Variants in GREB1L observed in about 807,000 individuals in gnomAD.
The protein encoded by GREB1L is GREB1-like protein.
In GREB1L, 17 loss-of-function variants were observed where a neutral mutation model predicts 200.8. The observed-to-expected ratio is 0.08, with a 90% CI of 0.06 to 0.13. The LOEUF (loss-of-function observed/expected upper bound fraction) is 0.13. Ranked by LOEUF, GREB1L falls within the 10% of genes least tolerant of loss-of-function variation. The probability of loss-of-function intolerance (pLI) is 1.00; values close to 1 mark genes in which losing one functional copy is unlikely to be tolerated. For synonymous variants in GREB1L, 789 were observed against 893.0 expected (o/e 0.88, Z 2.08); for missense variants, 1,657 against 2,367.7 (o/e 0.70, Z 6.23).
At position 21,505,444 on chromosome 18, in the gene GREB1L, G is replaced by C. The variant is rs1568068888; in HGVS notation, c.4105G>C (p.Glu1369Gln). 1 of 1,551,576 alleles carries C rather than the reference G, an allele frequency of 6.4e-7. No individual in the cohort carries two copies. Residue 1369 changes from glutamate (E) to glutamine (Q), a missense_variant, in exon 24 of 33, where the codon GAG becomes CAG. This residue lies in a region of GREB1L where 512 missense variants were observed against 668.3 expected (regional missense o/e 0.77). Transcript: ENST00000424526. ...TGAAAGCAGTGAAGTGAGCCAGTCA[G>C]AGGGAGAGCCCTGGCCTGACATCGA... The part of the protein sequence containing the change: ...HNESSEVSQS[E>Q]GEPWPDIESF...
intron 7 of GREB1L, among the ~76,000 whole-genome samples, chr18:21,418,407 A>G (rs1397542400): frequency 1.3e-5 from 2 of 152,196 alleles, no homozygotes; most frequent in African/African-American, 2.4e-5. Context: ...ATTACTTATA[A>G]TACTGAATAC....
intron 4 of GREB1L, among the ~76,000 whole-genome samples, chr18:21,392,476 G>A (rs1408224208): frequency 4.6e-5 from 7 of 152,110 alleles, no homozygotes; most frequent in Non-Finnish European, 1.0e-4. Flanking sequence ...TTGAACAAAT[G>A]CAGATGCACT....
At chr18:21,409,791 C>T (rs929531555) in intron 7 of GREB1L, among the ~76,000 whole-genome samples, 3 of 152,066 alleles carry the variant, frequency 2.0e-5, no homozygotes, top group Non-Finnish European at 4.4e-5. Flanking sequence ...GGTTTCCTTT[C>T]CTCATTTGCA....
At chr18:21,480,934 C>T (rs539679575) in intron 17 of GREB1L, among the ~76,000 whole-genome samples, 112 of 152,094 alleles carry the variant, frequency 7.4e-4, no homozygotes, top group Non-Finnish European at 1.4e-3. Flanking sequence ...GCAGGAGAAT[C>T]ACTTGAACCT....
rs368913332 is a variant in GREB1L at position 21,244,366 on chromosome 18, A to C, written c.-120+1973A>C. On this transcript the variant is annotated intron_variant, in intron 1 of 32. Transcript: ENST00000424526. ...GTGTATACTCCCATTGACATGACAT[A>C]ATATAAAGATGTTAGTGGTAAAGGA... 2.0e-5 allele frequency among the ~76,000 whole-genome samples: 3 copies of C among 152,184 alleles called. No individual in the cohort carries two copies. In the South Asian group the frequency reaches 6.2e-4, roughly 32 times the overall value.
At chr18:21,431,239 G>A (rs1470868874) in intron 7 of GREB1L, among the ~76,000 whole-genome samples, 3 of 151,824 alleles carry the variant, frequency 2.0e-5, no homozygotes, top group African/African-American at 7.3e-5. Context: ...TGGCCAGACT[G>A]GTCCCAAACT....
Position 21,496,659 on chromosome 18 carries a change from C to T in GREB1L, c.3352C>T (p.Arg1118Trp), listed in dbSNP as rs761699000. The change falls in exon 21 of 33, where the codon CGG becomes TGG. Residue 1118 changes from arginine to tryptophan, a missense_variant. Around this residue, in one of 9 missense-constraint regions of GREB1L, gnomAD observed 512 missense variants for 668.3 expected, o/e 0.77. Transcript: ENST00000424526. The part of the protein sequence containing the change: ...DSDELLIDLE[R>W]PQSNSSAVTG... The stretch of plus-strand genomic sequence containing the variant: ...CGATGAGCTGCTCATCGACCTGGAG[C>T]GGCCCCAGAGCAACAGCAGCGCTGT... 1.6e-5 allele frequency: 25 copies of T among 1,551,474 alleles called. No homozygotes were observed. The highest frequency in any genetic ancestry group is 3.9e-5 in the Admixed American group (2 of 50,982).
At chr18:21,435,136 A>C (rs1171812931) in intron 7 of GREB1L, 3 of 152,668 alleles carry the variant, frequency 2.0e-5, no homozygotes, top group Non-Finnish European at 4.4e-5. Flanking sequence ...GACTTGTGTG[A>C]CATTTAATTG....
At position 21,395,297 on chromosome 18, in the gene GREB1L, AAAAT is replaced by A. The variant is rs2041008486; in HGVS notation, c.356-83_356-80del. 4 of 1,085,614 alleles carry A rather than the reference AAAAT, an allele frequency of 3.7e-6. No homozygotes were observed. In the East Asian group the frequency reaches 7.8e-5, roughly 21 times the overall value. 67.2% of individuals were successfully genotyped at this position (1,085,614 alleles called of 1,614,324 possible). ...ATTTAGTCTGTAATAGTGATTCTCA[AAAAT>A]AAATCTACTCTCCAAATGAGTGATA... On this transcript the variant is annotated intron_variant, in intron 4 of 32. Transcript: ENST00000424526.
At chr18:21,515,869 T>A (rs937289274) in intron 29 of GREB1L, among the ~76,000 whole-genome samples, 31 of 152,116 alleles carry the variant, frequency 2.0e-4, no homozygotes, top group African/African-American at 6.8e-4. Context: ...AGAAAACACT[T>A]TAGCCATCTC....
chr18:21,485,038 A>G (rs927812001), intron 17 of GREB1L, among the ~76,000 whole-genome samples: 3 of 152,222 alleles, frequency 2.0e-5, no homozygotes, highest in African/African-American at 4.8e-5. Flanking sequence ...GGGCATCCTT[A>G]TGTCACATCC....
chr18:21,413,106 G>A (rs974552864), intron 7 of GREB1L, among the ~76,000 whole-genome samples: 8 of 152,086 alleles, frequency 5.3e-5, no homozygotes, highest in African/African-American at 1.7e-4. Flanking sequence ...TTCCTTCCCC[G>A]TCCTCCACCA....
At chr18:21,293,967 A>G (rs2038489679) in intron 1 of GREB1L, among the ~76,000 whole-genome samples, 2 of 151,938 alleles carry the variant, frequency 1.3e-5, no homozygotes, top group Admixed American at 1.3e-4. Flanking sequence ...TTTTGTGTAG[A>G]AATTGGGTTT....
chr18:21,415,490 A>G (rs1285782700), intron 7 of GREB1L, among the ~76,000 whole-genome samples: 1 of 152,122 alleles, frequency 6.6e-6, no homozygotes, highest in African/African-American at 2.4e-5. Flanking sequence ...CAGCGAATGA[A>G]ACTCTGTCCC....
In GREB1L at chr18:21,439,518, C is replaced by T. The variant is rs2145231840; in HGVS notation, c.833-3C>T. 6.6e-7 allele frequency: 1 copy of T among 1,517,864 alleles called. No individual in the cohort carries two copies. Among genetic ancestry groups the T allele is most frequent in the East Asian group, 2.5e-5 (1 of 40,766 alleles). 94.0% of individuals were successfully genotyped at this position (1,517,864 alleles called of 1,614,324 possible). A position where few individuals can be genotyped will look rare whatever the true frequency, so the allele number is the denominator to read the frequency against. ...TGAGCACTCCTCTCCTTGTGTTCTA[C>T]AGATGCTGCTAATGGAAACAGTAGC... On this transcript the variant is annotated splice_region_variant and splice_polypyrimidine_tract_variant and intron_variant, in intron 7 of 32. Coordinates refer to ENST00000424526, the MANE Select transcript of GREB1L (RefSeq NM_001142966.3).
chr18:21,455,817 A>G (rs1470721654), intron 15 of GREB1L, among the ~76,000 whole-genome samples: 4 of 151,768 alleles, frequency 2.6e-5, no homozygotes, highest in East Asian at 3.9e-4. Context: ...TTTATCCTAC[A>G]TAAAGATCAC....
chr18:21,404,635 C>T (rs2029959547), intron 7 of GREB1L, among the ~76,000 whole-genome samples: 1 of 152,174 alleles, frequency 6.6e-6, no homozygotes, highest in African/African-American at 2.4e-5. Flanking sequence ...CAGCCCAGGC[C>T]CTGAGGCCAA....
At chr18:21,426,520 A>G (rs1344879466) in intron 7 of GREB1L, among the ~76,000 whole-genome samples, 1 of 152,160 alleles carries the variant, frequency 6.6e-6, no homozygotes, top group Non-Finnish European at 1.5e-5. Flanking sequence ...AAAATGTAAG[A>G]GTTTATCTCT....
chr18:21,363,361 G>C (rs767317682), intron 1 of GREB1L, among the ~76,000 whole-genome samples: 12 of 142,262 alleles, frequency 8.4e-5, no homozygotes, highest in Non-Finnish European at 1.5e-4. Context: ...AAAAGCATTG[G>C]GTGGGGAAAA....
Sources: allele counts gnomAD v4.1 joint callset (sites outside exome capture counted in the v4.1 genomes callset), GRCh38; gene constraint gnomAD v4.1.1; regional missense constraint gnomAD v4.1.1; transcripts MANE v1.5; gene names NCBI Gene and HGNC (gene_info 2026-07-23, HGNC 2026-07-21).